RB1: variants seen among roughly 807,000 people sequenced by gnomAD.
The protein encoded by RB1 is retinoblastoma-associated protein.
In RB1, 18 loss-of-function variants were observed where a neutral mutation model predicts 135.4. The observed-to-expected ratio is 0.13, with a 90% CI of 0.09 to 0.20. The LOEUF is 0.20. RB1 is among the 10% of genes least tolerant of loss of function. RB1 has a pLI of 1.00. For synonymous variants in RB1, 365 were observed against 373.2 expected, an observed-to-expected ratio of 0.98 and a Z score of 0.25; for missense variants, 868 against 1,110.0, an observed-to-expected ratio of 0.78 and a Z score of 3.10.
In RB1 at chr13:48,347,805, C is replaced by G. The variant is rs2138091470; in HGVS notation, c.501-20C>G. 6.4e-7 allele frequency: 1 copy of G among 1,552,204 alleles called. No homozygotes were observed. Among genetic ancestry groups the G allele is most frequent in the South Asian group, 1.1e-5 (1 of 88,288 alleles). On this transcript the variant is annotated intron_variant, in intron 4 of 26. Transcript: ENST00000267163. ...AAATTACGAAAAAATGTTAAAAAGT[C>G]ATAATGTTTTTCTTTTCAGGACATG...
chr13:48,408,306 G>T (rs1948757849), intron 17 of RB1, among the ~76,000 whole-genome samples: 1 of 151,672 alleles, frequency 6.6e-6, no homozygotes, highest in African/African-American at 2.4e-5. Context: ...AATAAACTAG[G>T]TACTTGATAT....
At chr13:48,340,588 AG>A (rs1952433801) in intron 2 of RB1, among the ~76,000 whole-genome samples, 1 of 115,756 alleles carries the variant, frequency 8.6e-6, no homozygotes, top group Non-Finnish European at 2.1e-5. Context: ...AGAGAGAGAG[AG>A]AAAAAAAAAG....
chr13:48,359,365 A>T (rs1348340958), intron 6 of RB1, among the ~76,000 whole-genome samples: 2 of 151,056 alleles, frequency 1.3e-5, no homozygotes, highest in Non-Finnish European at 3.0e-5. Flanking sequence ...TTATTGTAAG[A>T]TTTTAGAGGG....
chr13:48,451,085 G>A (rs1949324285), intron 17 of RB1, among the ~76,000 whole-genome samples: 2 of 151,066 alleles, frequency 1.3e-5, no homozygotes, highest in Non-Finnish European at 3.0e-5. Flanking sequence ...GGGTTAAGAT[G>A]ATAATTTGAC....
At chr13:48,396,656 T>C (rs1203873320) in intron 17 of RB1, among the ~76,000 whole-genome samples, 7 of 152,146 alleles carry the variant, frequency 4.6e-5, no homozygotes, top group Non-Finnish European at 1.0e-4. Flanking sequence ...TGGGATCTAA[T>C]TAAACTAAAG....
chr13:48,318,861 G>T (rs1952209765), intron 2 of RB1: 3 of 1,106,176 alleles, frequency 2.7e-6, no homozygotes, highest in Non-Finnish European at 4.1e-6. Context: ...TGCCTTGAGG[G>T]TCAAAACGTC....
At chr13:48,395,524 G>A (rs1415822840) in intron 17 of RB1, among the ~76,000 whole-genome samples, 4 of 152,010 alleles carry the variant, frequency 2.6e-5, no homozygotes, top group African/African-American at 9.7e-5. Context: ...CCAGTTTAGA[G>A]AAGAACATAA....
chr13:48,318,798 C>T (rs981629747), intron 2 of RB1: 12 of 824,476 alleles, frequency 1.5e-5, no homozygotes, highest in African/African-American at 1.3e-4. Context: ...TGAAAGTGGG[C>T]CCTGGGCAGC....
chr13:48,439,920 G>C (rs1949220120), intron 17 of RB1: 1 of 152,090 alleles, frequency 6.6e-6, no homozygotes, highest in Admixed American at 6.6e-5. Context: ...CAGAAATATA[G>C]TTTATACTTC....
intron 25 of RB1, 67 bp downstream of exon 25, chr13:48,476,910 A>C (rs2138359964): frequency 3.8e-6 from 6 of 1,576,182 alleles, no homozygotes; most frequent in Non-Finnish European, 5.2e-6. Context: ...GAGTCTCAGC[A>C]CTGCTCCTGG....
At chr13:48,366,533 G>A (rs1952700829) in intron 9 of RB1, among the ~76,000 whole-genome samples, 1 of 152,134 alleles carries the variant, frequency 6.6e-6, no homozygotes, top group South Asian at 2.1e-4. Flanking sequence ...ACAGTAGAAG[G>A]CATGCCAATA....
At chr13:48,333,049 G>A (rs1952350679) in intron 2 of RB1, 2 of 398,392 alleles carry the variant, frequency 5.0e-6, no homozygotes, top group Non-Finnish European at 8.9e-6. Context: ...AACCATGGTT[G>A]ACCATGGGAA....
intron 19 of RB1, 96 bp from the exon 20 acceptor site, chr13:48,459,592 A>T (rs2138335533): frequency 7.9e-7 from 1 of 1,271,516 alleles, no homozygotes; most frequent in Non-Finnish European, 1.2e-6. Flanking sequence ...ATGCTACTTA[A>T]CAGCATTATA....
intron 17 of RB1, among the ~76,000 whole-genome samples, chr13:48,420,067 C>A (rs1428876169): frequency 1.3e-5 from 2 of 152,178 alleles, no homozygotes; most frequent in Non-Finnish European, 2.9e-5. Context: ...ATACCATAAC[C>A]TGCCAGAGAC....
intron 6 of RB1, among the ~76,000 whole-genome samples, chr13:48,353,225 G>A (rs142980578): frequency 9.9e-4 from 151 of 152,122 alleles, no homozygotes; most frequent in African/African-American, 3.5e-3. Context: ...GGAAAAAAGA[G>A]AGAAGATACA....
intron 17 of RB1, among the ~76,000 whole-genome samples, chr13:48,386,384 T>C (rs1948572109): frequency 6.6e-6 from 1 of 151,780 alleles, no homozygotes; most frequent in Admixed American, 6.6e-5. Flanking sequence ...TAATCTCCAC[T>C]CTTGAGTATG....
chr13:48,347,746 A>G, intron 4 of RB1, 79 bp from the exon 5 acceptor site: 1 of 933,588 alleles, frequency 1.1e-6, no homozygotes, highest in South Asian at 1.5e-5. Flanking sequence ...TTAAAAGAAG[A>G]TAAATAAAGC....
At chr13:48,343,958 G>A (rs181806836) in intron 3 of RB1, among the ~76,000 whole-genome samples, 8 of 152,174 alleles carry the variant, frequency 5.3e-5, no homozygotes, top group African/African-American at 1.7e-4. Flanking sequence ...CCCAGTGTTT[G>A]ATTGGTCCAG....
chr13:48,342,545 A>G, intron 2 of RB1, 54 bp from the exon 3 acceptor site: 1 of 1,063,088 alleles, frequency 9.4e-7, no homozygotes, highest in Non-Finnish European at 1.5e-6. Flanking sequence ...TTAACATAGT[A>G]TCCAGTGTGT....
Sources: allele counts gnomAD v4.1 joint callset (sites outside exome capture counted in the v4.1 genomes callset), GRCh38; gene constraint gnomAD v4.1.1; transcripts MANE v1.5; gene names NCBI Gene and HGNC (gene_info 2026-07-23, HGNC 2026-07-21).